Variants in MED12L observed in about 807,000 individuals in gnomAD.
The protein encoded by MED12L is mediator of RNA polymerase II transcription subunit 12-like protein.
In MED12L, 60 loss-of-function variants were observed where a neutral mutation model predicts 281.3. That is an observed-to-expected ratio of 0.21 (90% confidence interval 0.17 to 0.26). The LOEUF (loss-of-function observed/expected upper bound fraction) is 0.26. Among genes scored for constraint, MED12L ranks in the 10% least tolerant of loss-of-function variants. The probability of loss-of-function intolerance (pLI) is 1.00; values close to 1 mark genes in which losing one functional copy is unlikely to be tolerated. For missense variants in MED12L, 2,146 were observed against 2,680.9 expected (o/e 0.80, Z 4.41); for synonymous variants, 974 against 987.2 (o/e 0.99, Z 0.25).
At chr3:151,153,564 C>A in intron 5 of MED12L, among the ~76,000 whole-genome samples, 1 of 94,268 alleles carries the variant, frequency 1.1e-5, no homozygotes, top group Non-Finnish European at 2.0e-5. Flanking sequence ...TGTTTTCTTT[C>A]TTTTTTTTTT....
chr3:151,383,714 T>A, intron 33 of MED12L, 65 bp from the exon 34 acceptor site: 1 of 1,006,790 alleles, frequency 9.9e-7, no homozygotes, highest in Non-Finnish European at 1.5e-6. Context: ...TTTGATAACA[T>A]AAAGCAATGG....
At chr3:151,380,035 G>A in intron 31 of MED12L, 78 bp from the exon 32 acceptor site, 1 of 895,478 alleles carries the variant, frequency 1.1e-6, no homozygotes, top group South Asian at 1.8e-5. Flanking sequence ...TAATAGTGAG[G>A]CAAAGAAATG....
At chr3:151,392,467 G>GAAAAAAAAAAA (rs200781609) in intron 38 of MED12L, among the ~76,000 whole-genome samples, 3 of 95,860 alleles carry the variant, frequency 3.1e-5, no homozygotes, top group African/African-American at 4.8e-5. Flanking sequence ...TCCATCTCAA[G>GAAAAAAAAAAA]AAAAAAAAAA....
intron 16 of MED12L, among the ~76,000 whole-genome samples, chr3:151,195,111 C>T (rs182877171): frequency 1.7e-4 from 26 of 151,758 alleles, no homozygotes; most frequent in Non-Finnish European, 2.5e-4. Flanking sequence ...TGCAGTGAGC[C>T]GAGATCACAC....
chr3:151,306,853 T>C (rs916293645), intron 16 of MED12L, among the ~76,000 whole-genome samples: 3 of 152,210 alleles, frequency 2.0e-5, no homozygotes, highest in Non-Finnish European at 4.4e-5. Flanking sequence ...ATTTTTGACT[T>C]AGTGTTTGGT....
chr3:151,216,863 A>G (rs188675727), intron 16 of MED12L, among the ~76,000 whole-genome samples: 1 of 152,218 alleles, frequency 6.6e-6, no homozygotes, highest in East Asian at 1.9e-4. Context: ...TTGTCTGGTA[A>G]CTGTCTCTTG....
chr3:151,384,622 G>A (rs542597547), intron 35 of MED12L: 1 of 189,054 alleles, frequency 5.3e-6, no homozygotes, highest in East Asian at 1.5e-4. Context: ...AAAAAAAATT[G>A]TAAGAAAACA....
At chr3:151,390,558 G>T (rs1290135479) in intron 38 of MED12L, among the ~76,000 whole-genome samples, 4 of 152,128 alleles carry the variant, frequency 2.6e-5, no homozygotes, top group Non-Finnish European at 5.9e-5. Context: ...TAACAACAAG[G>T]AAAACTACCA....
chr3:151,183,394 C>T (rs1203586672), intron 11 of MED12L, among the ~76,000 whole-genome samples: 2 of 152,182 alleles, frequency 1.3e-5, no homozygotes. Flanking sequence ...CAGCACTGAA[C>T]GCTCATGCAC....
intron 16 of MED12L, among the ~76,000 whole-genome samples, chr3:151,246,564 C>A (rs1390068171): frequency 3.9e-5 from 6 of 152,070 alleles, no homozygotes; most frequent in Non-Finnish European, 7.4e-5. Flanking sequence ...AACTGGCTAG[C>A]CATATGTAGA....
intron 16 of MED12L, among the ~76,000 whole-genome samples, chr3:151,272,849 G>C (rs915386212): frequency 1.3e-5 from 2 of 152,104 alleles, no homozygotes; most frequent in Non-Finnish European, 2.9e-5. Context: ...TTTTTGTTCT[G>C]TTTTCTACAG....
At chr3:151,321,029 A>G (rs1434470689) in intron 16 of MED12L, among the ~76,000 whole-genome samples, 1 of 152,218 alleles carries the variant, frequency 6.6e-6, no homozygotes, top group African/African-American at 2.4e-5. Flanking sequence ...TTAAGGGTAC[A>G]GGAGCACTTT....
chr3:151,242,207 G>A (rs1368476050), intron 16 of MED12L, among the ~76,000 whole-genome samples: 2 of 152,226 alleles, frequency 1.3e-5, no homozygotes, highest in Non-Finnish European at 2.9e-5. Flanking sequence ...AGGGGCGCCC[G>A]CCATTGCCCA....
chr3:151,296,283 A>G (rs1285882157), intron 16 of MED12L, among the ~76,000 whole-genome samples: 2 of 152,202 alleles, frequency 1.3e-5, no homozygotes, highest in Non-Finnish European at 2.9e-5. Flanking sequence ...TAATCAGTGA[A>G]ATGGGTCATG....
At chr3:151,235,360 G>T (rs747941354) in intron 16 of MED12L, among the ~76,000 whole-genome samples, 1 of 152,178 alleles carries the variant, frequency 6.6e-6, no homozygotes, top group African/African-American at 2.4e-5. Flanking sequence ...ATGTTCAGGT[G>T]AATGTGAATA....
intron 16 of MED12L, among the ~76,000 whole-genome samples, chr3:151,303,305 T>G (rs1746188512): frequency 1.3e-5 from 2 of 152,098 alleles, no homozygotes; most frequent in Non-Finnish European, 2.9e-5. Context: ...GATTGGTTGA[T>G]TTCATGATGC....
intron 11 of MED12L, among the ~76,000 whole-genome samples, chr3:151,167,901 T>A (rs775685094): frequency 7.9e-5 from 12 of 152,168 alleles, no homozygotes; most frequent in Non-Finnish European, 1.5e-5. Flanking sequence ...GGATCTTGGA[T>A]TGTTTAGCTT....
chr3:151,381,467 A>G (rs1560105014), intron 32 of MED12L, among the ~76,000 whole-genome samples: 2 of 152,060 alleles, frequency 1.3e-5, no homozygotes, highest in Non-Finnish European at 2.9e-5. Context: ...TCTTTCCTCC[A>G]TGGTTGTTGC....
intron 16 of MED12L, chr3:151,337,844 A>C (rs772596809): frequency 6.2e-7 from 1 of 1,613,950 alleles, no homozygotes; most frequent in Non-Finnish European, 8.5e-7. Context: ...CATTTGGGTC[A>C]CCACCATCCT....
Sources: allele counts gnomAD v4.1 joint callset (sites outside exome capture counted in the v4.1 genomes callset), GRCh38; gene constraint gnomAD v4.1.1; transcripts MANE v1.5; gene names NCBI Gene and HGNC (gene_info 2026-07-23, HGNC 2026-07-21).